Variants in JAK1 observed in about 807,000 individuals in gnomAD.
JAK1 encodes the protein tyrosine-protein kinase JAK1.
Under a neutral mutation model 136.6 loss-of-function variants are expected in JAK1, and 16 were observed. The observed-to-expected ratio is 0.12, with a 90% confidence interval of 0.08 to 0.18. JAK1 has a LOEUF of 0.18. JAK1 is among the 10% of genes least tolerant of loss of function. JAK1 has a pLI of 1.00. For missense variants in JAK1, 859 were observed against 1,450.1 expected, an observed-to-expected ratio of 0.59 and a Z score of 6.62; for synonymous variants, 492 against 519.5, an observed-to-expected ratio of 0.95 and a Z score of 0.72.
chr1:64,966,451 G>A lies in JAK1; in HGVS notation c.-196C>T, dbSNP rs1056474761. 6 of 151,120 alleles carry A rather than the reference G, an allele frequency of 4.0e-5. No individual in the cohort carries two copies. Among genetic ancestry groups the A allele is most frequent in the Non-Finnish European group, 5.9e-5 (4 of 67,742 alleles). The allele number at this position is 151,120 out of a possible 1,614,324, so 9.4% of individuals were successfully genotyped here. ...CCAGCGTGCGCGCGCCCAGGGCTGAGGAGGGGTCGCGGCGAGGACAGCCGG... is the reference window on the plus strand; with the variant it reads ...CCAGCGTGCGCGCGCCCAGGGCTGAAGAGGGGTCGCGGCGAGGACAGCCGG... On this transcript the variant is annotated 5_prime_UTR_variant, in exon 1 of 25. Coordinates refer to ENST00000342505, the MANE Select transcript of JAK1 (RefSeq NM_002227.4).
chr1:65,013,050 C>A (rs1257967301), intron 2 of JAK1, among the ~76,000 whole-genome samples: 1 of 138,794 alleles, frequency 7.2e-6, no homozygotes, highest in Non-Finnish European at 1.5e-5. Context: ...GAGCCAAGAT[C>A]GTGCCACTGC....
chr1:64,891,553 T>C (rs1231460376), intron 1 of JAK1, among the ~76,000 whole-genome samples: 1 of 152,198 alleles, frequency 6.6e-6, no homozygotes, highest in Non-Finnish European at 1.5e-5. Flanking sequence ...CCTAGCAACA[T>C]GTGAACAGGA....
rs1251697035 is a variant in JAK1 at position 64,985,642 on chromosome 1, C to T, written c.-78+58838G>A. 1.3e-5 allele frequency: 10 copies of T among 758,498 alleles called. No homozygotes were observed. The South Asian group carries it at 1.4e-4, about 11-fold the overall frequency. 47.0% of individuals were successfully genotyped at this position (758,498 alleles called of 1,614,324 possible). ...AGCTGGTTGAGAGTGCCAAAGACAC[C>T]TTGCAGGCCAATAGGTGAGATGTCT... On this transcript the variant is annotated intron_variant, in intron 2 of 25. Transcript: ENST00000671954.
At chr1:64,980,696 T>G (rs1214840502) in intron 2 of JAK1, among the ~76,000 whole-genome samples, 1 of 152,038 alleles carries the variant, frequency 6.6e-6, no homozygotes, top group Non-Finnish European at 1.5e-5. Context: ...TTACATTAGG[T>G]ATACCTCCTA....
At position 64,841,290 on chromosome 1, in the gene JAK1, T is replaced by G. The variant is rs1300770513; in HGVS notation, c.2604A>C (p.Thr868=). 6.2e-7 allele frequency: 1 copy of G among 1,614,076 alleles called. No homozygotes were observed. Among genetic ancestry groups the G allele is most frequent in the African/African-American group, 1.3e-5 (1 of 74,938 alleles). ...EKKPATEVDP[T]HFEKRFLKRI... ...TCTTTAGGAAGCGCTTTTCAAAATG[T>G]GTGGGGTCCACTTCAGTTGCTGGTT... The change falls in exon 19 of 25, where the codon ACA becomes ACC. Residue 868 remains threonine (T), a synonymous_variant. Transcript: ENST00000342505.
intron 1 of JAK1, among the ~76,000 whole-genome samples, chr1:64,941,745 CA>C (rs1398140665): frequency 6.6e-6 from 1 of 152,202 alleles, no homozygotes; most frequent in Non-Finnish European, 1.5e-5. Flanking sequence ...AGATTTTCAA[CA>C]TGAATCCAGG....
In JAK1 at chr1:64,955,013, T is replaced by C. The variant is rs1037123092; in HGVS notation, c.-78+11320A>G. ...CCAATGAGTCTTCCAAAATACTTGA[T>C]GATCCTTTACAAAACTGTACCACCT... On this transcript the variant is annotated intron_variant, in intron 1 of 24. Coordinates refer to ENST00000342505, the MANE Select transcript of JAK1 (RefSeq NM_002227.4). 7.2e-5 allele frequency among the ~76,000 whole-genome samples: 11 copies of C among 152,366 alleles called. No individual in the cohort carries two copies. The East Asian group carries it at 1.3e-3, about 19-fold the overall frequency.
chr1:64,944,245 T>C (rs1464536772), intron 1 of JAK1, among the ~76,000 whole-genome samples: 1 of 137,968 alleles, frequency 7.2e-6, no homozygotes, highest in African/African-American at 2.8e-5. Flanking sequence ...AAAAAAAAAG[T>C]TTAAATGTAC....
At chr1:64,934,543 C>T (rs1480848386) in intron 1 of JAK1, among the ~76,000 whole-genome samples, 2 of 152,156 alleles carry the variant, frequency 1.3e-5, no homozygotes, top group East Asian at 1.9e-4. Flanking sequence ...ATGAGAGGGG[C>T]GAGAAGCTCG....
At chr1:64,913,224 C>A (rs1273251587) in intron 1 of JAK1, among the ~76,000 whole-genome samples, 1 of 152,120 alleles carries the variant, frequency 6.6e-6, no homozygotes, top group African/African-American at 2.4e-5. Context: ...AGGGTCTCGC[C>A]TTATTGCCCA....
At chr1:64,943,666 T>C (rs1010998220) in intron 1 of JAK1, among the ~76,000 whole-genome samples, 2 of 152,142 alleles carry the variant, frequency 1.3e-5, no homozygotes, top group South Asian at 4.2e-4. Context: ...CTCTCAAACA[T>C]GACACCAAAA....
chr1:65,053,036 A>G (rs1422897717), intron 1 of JAK1, among the ~76,000 whole-genome samples: 1 of 147,376 alleles, frequency 6.8e-6, no homozygotes, highest in Non-Finnish European at 1.5e-5. Context: ...GTCTCAAAAA[A>G]AAAAAAAAAA....
chr1:64,996,673 G>A (rs537169637), intron 2 of JAK1, among the ~76,000 whole-genome samples: 11 of 152,270 alleles, frequency 7.2e-5, no homozygotes, highest in East Asian at 3.9e-4. Flanking sequence ...TATGACCTGC[G>A]GTGATTTTTT....
chr1:64,857,691 T>A lies in JAK1; in HGVS notation c.1423A>T (p.Ile475Phe). Reference sequence around the variant, plus strand: ...TCAAAGCAGGTGACGGTCATGAGGATGTTGTCAAAGTCGGTGCAGCTCCAC... The same window carrying A: ...TCAAAGCAGGTGACGGTCATGAGGAAGTTGTCAAAGTCGGTGCAGCTCCAC... ...LRWSCTDFDN[I>F]LMTVTCFEKS... Residue 475 changes from isoleucine (I) to phenylalanine (F), a missense_variant, in exon 10 of 25, where the codon ATC (isoleucine) becomes TTC (phenylalanine). This residue lies in a region of JAK1 where 409 missense variants were observed against 753.8 expected (regional missense o/e 0.54). Coordinates refer to ENST00000342505, the MANE Select transcript of JAK1 (RefSeq NM_002227.4). 2 of 1,614,180 alleles carry A rather than the reference T, an allele frequency of 1.2e-6. No individual in the cohort carries two copies. Among genetic ancestry groups the A allele is most frequent in the South Asian group, 1.1e-5 (1 of 91,076 alleles).
rs1645629588 is a variant in JAK1 at position 64,928,785 on chromosome 1, A to AC, written c.-78+37547_-78+37548insG. On this transcript the variant is annotated intron_variant, in intron 1 of 24. Transcript: ENST00000342505. Reference sequence around the variant, plus strand: ...GAGTGCTATAAAACTCTGCAAAAAAAAAAAAAAAAAACAAAAAAAAAAAAC... The same window carrying AC: ...GAGTGCTATAAAACTCTGCAAAAAAACAAAAAAAAAAACAAAAAAAAAAAAC... Among the ~76,000 whole-genome samples the AC allele has an allele frequency of 2.5e-5, 3 of 121,004 alleles. 1 individual carries two copies. The highest frequency in any genetic ancestry group is 1.6e-4 in the Admixed American group (2 of 12,594). The allele number at this position is 121,004 out of a possible 152,430, so 79.4% of individuals were successfully genotyped here.
intron 22 of JAK1, 43 bp downstream of exon 22, chr1:64,837,889 C>G (rs377549427): frequency 1.6e-5 from 25 of 1,551,998 alleles, no homozygotes; most frequent in Non-Finnish European, 2.0e-5. Context: ...ACAGTGTAAA[C>G]TCTATGAAGC....
At chr1:64,939,673 G>A (rs191503108) in intron 1 of JAK1, among the ~76,000 whole-genome samples, 2 of 152,256 alleles carry the variant, frequency 1.3e-5, no homozygotes, top group Admixed American at 1.3e-4. Context: ...TAAGGTCCTA[G>A]TCATGCATAT....
At chr1:64,901,046 C>T (rs1240204938) in intron 1 of JAK1, among the ~76,000 whole-genome samples, 3 of 152,176 alleles carry the variant, frequency 2.0e-5, no homozygotes, top group Non-Finnish European at 4.4e-5. Flanking sequence ...ATCCTGCTCC[C>T]TAACTGTCTG....
intron 8 of JAK1, among the ~76,000 whole-genome samples, chr1:64,861,093 A>G (rs899190170): frequency 6.6e-6 from 1 of 152,014 alleles, no homozygotes; most frequent in Non-Finnish European, 1.5e-5. Context: ...CAGAGGCACA[A>G]AAGTGGAGGT....
Sources: gnomAD v4.1 joint callset for allele counts (sites outside exome capture counted in the v4.1 genomes callset) on GRCh38, gnomAD v4.1.1 for gene constraint, gnomAD v4.1.1 regional missense constraint, MANE v1.5 for transcripts, NCBI Gene and HGNC (gene_info 2026-07-23, HGNC 2026-07-21) for gene names.